The following TBC1D5 variants were observed in gnomAD, a reference collection of about 807,000 sequenced individuals.
TBC1D5 encodes the protein TBC1 domain family member 5, also known as TBC1 domain family, member 5.
In TBC1D5, 75 loss-of-function variants were observed where a neutral mutation model predicts 100.3. That is an observed-to-expected ratio of 0.75 (90% CI 0.62 to 0.91). The LOEUF is 0.91. TBC1D5 is among the 40% of genes least tolerant of loss of function. The pLI is 0.00. For missense variants in TBC1D5, 910 were observed against 942.4 expected (o/e 0.97, Z 0.45); for synonymous variants, 323 against 325.6 (o/e 0.99, Z 0.09).
At chr3:17,635,036 A>G (rs1425407664) in intron 1 of TBC1D5, among the ~76,000 whole-genome samples, 2 of 152,228 alleles carry the variant, frequency 1.3e-5, no homozygotes, top group Non-Finnish European at 2.9e-5. Flanking sequence ...GTTCAATACT[A>G]TAAACTAAAT....
In TBC1D5 at chr3:17,460,762, T is replaced by TA. The variant is rs574970085; in HGVS notation, c.98-32244dup. Among the ~76,000 whole-genome samples, 625 of 145,136 alleles carry TA rather than the reference T, an allele frequency of 4.3e-3. 3 individuals carry two copies. The highest frequency in any genetic ancestry group is 0.014 in the African/African-American group (571 of 39,862). On this transcript the variant is annotated intron_variant, in intron 3 of 21. Transcript: ENST00000253692. ...GCCAAGCTCACAGGGTTATGACGGT[T>TA]AAAAAAAAAAAGATACTACATAGAA...
chr3:17,566,289 G>A (rs1376961559), intron 2 of TBC1D5, among the ~76,000 whole-genome samples: 1 of 151,862 alleles, frequency 6.6e-6, no homozygotes, highest in Non-Finnish European at 1.5e-5. Flanking sequence ...ATTATTAATA[G>A]TTTTGACACC....
intron 13 of TBC1D5, among the ~76,000 whole-genome samples, chr3:17,317,123 CA>C (rs2084793105): frequency 6.6e-6 from 1 of 152,174 alleles, no homozygotes; most frequent in Non-Finnish European, 1.5e-5. Flanking sequence ...TCAGGGGATG[CA>C]AACTAATGGC....
chr3:17,558,535 T>A (rs1455393162), intron 2 of TBC1D5, among the ~76,000 whole-genome samples: 2 of 152,200 alleles, frequency 1.3e-5, no homozygotes, highest in African/African-American at 4.8e-5. Flanking sequence ...CAGGTTGAAT[T>A]CATACAGTTA....
intron 15 of TBC1D5, among the ~76,000 whole-genome samples, chr3:17,277,698 G>C (rs933750407): frequency 6.6e-6 from 1 of 152,140 alleles, no homozygotes; most frequent in Non-Finnish European, 1.5e-5. Flanking sequence ...TTCAGAACTG[G>C]GAAGAAATAG....
At chr3:17,709,340 A>G (rs1003499421) in intron 1 of TBC1D5, among the ~76,000 whole-genome samples, 2 of 152,230 alleles carry the variant, frequency 1.3e-5, no homozygotes, top group African/African-American at 2.4e-5. Flanking sequence ...CAATTTATTG[A>G]GCAAACTGAC....
At chr3:17,636,711 G>C (rs1560341398) in intron 1 of TBC1D5, among the ~76,000 whole-genome samples, 1 of 151,856 alleles carries the variant, frequency 6.6e-6, no homozygotes, top group Non-Finnish European at 1.5e-5. Flanking sequence ...TGAGGCAGGA[G>C]AATGGCATGA....
chr3:17,705,506 G>A (rs1226998115), intron 1 of TBC1D5, among the ~76,000 whole-genome samples: 1 of 149,638 alleles, frequency 6.7e-6, no homozygotes, highest in African/African-American at 2.5e-5. Context: ...TGGTTGCCAG[G>A]CGGAGGGTCT....
At chr3:17,728,748 T>C (rs960390611) in intron 1 of TBC1D5, among the ~76,000 whole-genome samples, 1 of 152,136 alleles carries the variant, frequency 6.6e-6, no homozygotes, top group East Asian at 1.9e-4. Context: ...CAAAGACTTA[T>C]ACATAAAAAT....
At chr3:17,583,495 G>A (rs1253284019) in intron 2 of TBC1D5, among the ~76,000 whole-genome samples, 1 of 152,078 alleles carries the variant, frequency 6.6e-6, no homozygotes, top group African/African-American at 2.4e-5. Context: ...GGAAGCCAAG[G>A]TGGGCAGACT....
At chr3:17,662,041 C>T (rs2066712607) in intron 1 of TBC1D5, among the ~76,000 whole-genome samples, 1 of 152,118 alleles carries the variant, frequency 6.6e-6, no homozygotes, top group African/African-American at 2.4e-5. Flanking sequence ...CAGCTATGCA[C>T]CACATGTCCA....
exon 1 of TBC1D5, chr3:17,740,155 T>C (rs1475312997): frequency 6.6e-6 from 1 of 151,534 alleles, no homozygotes; most frequent in Non-Finnish European, 1.5e-5. Context: ...CCGTCTCTAC[T>C]AAAAAAGAAC....
At chr3:17,617,748 A>G (rs974095867) in intron 2 of TBC1D5, among the ~76,000 whole-genome samples, 5 of 152,180 alleles carry the variant, frequency 3.3e-5, no homozygotes, top group African/African-American at 9.7e-5. Flanking sequence ...CAGCTCCATC[A>G]GGTCATTTAA....
intron 3 of TBC1D5, among the ~76,000 whole-genome samples, chr3:17,472,678 C>T (rs1452055445): frequency 2.6e-5 from 4 of 152,092 alleles, no homozygotes; most frequent in African/African-American, 9.7e-5. Flanking sequence ...TGTTTATACC[C>T]GTAATTCTCA....
At chr3:17,598,870 T>C (rs1231308625) in intron 2 of TBC1D5, among the ~76,000 whole-genome samples, 1 of 152,216 alleles carries the variant, frequency 6.6e-6, no homozygotes, top group South Asian at 2.1e-4. Context: ...CACTGCCTAT[T>C]AGCTCCCTCA....
At chr3:17,173,316 G>A (rs1220252218) in intron 19 of TBC1D5, among the ~76,000 whole-genome samples, 1 of 152,168 alleles carries the variant, frequency 6.6e-6, no homozygotes, top group African/African-American at 2.4e-5. Flanking sequence ...GGCACAGGAT[G>A]GGATATTGGC....
At chr3:17,652,549 C>A (rs1281684504) in intron 1 of TBC1D5, among the ~76,000 whole-genome samples, 1 of 151,978 alleles carries the variant, frequency 6.6e-6, no homozygotes, top group Non-Finnish European at 1.5e-5. Flanking sequence ...AAATATAACA[C>A]AACAAATTCT....
chr3:17,618,362 C>T (rs2062361926), intron 2 of TBC1D5, among the ~76,000 whole-genome samples: 1 of 152,194 alleles, frequency 6.6e-6, no homozygotes, highest in Admixed American at 6.5e-5. Context: ...GGGTCAGGGA[C>T]CAACTTGAGT....
chr3:17,314,707 G>A (rs1001452237), intron 13 of TBC1D5, among the ~76,000 whole-genome samples: 1 of 152,206 alleles, frequency 6.6e-6, no homozygotes, highest in African/African-American at 2.4e-5. Context: ...AAGTTTGAGA[G>A]GCACTGGACA....
Sources: allele counts gnomAD v4.1 joint callset (sites outside exome capture counted in the v4.1 genomes callset), GRCh38; gene constraint gnomAD v4.1.1; transcripts MANE v1.5; gene names NCBI Gene and HGNC (gene_info 2026-07-23, HGNC 2026-07-21).